MED25: variants seen among roughly 807,000 people sequenced by gnomAD.
The protein encoded by MED25 is mediator complex subunit 25.
A neutral mutation model predicts 89.4 loss-of-function variants in MED25; 62 were observed. The observed-to-expected ratio is 0.69, with a 90% CI of 0.57 to 0.86. MED25 has a LOEUF of 0.86. Among genes scored for constraint, MED25 ranks in the 40% least tolerant of loss-of-function variants. MED25 has a pLI of 0.00. For missense variants in MED25, 905 were observed against 1,005.2 expected (o/e 0.90, Z 1.35); for synonymous variants, 449 against 427.9 (o/e 1.05, Z -0.61).
intron 3 of MED25, among the ~76,000 whole-genome samples, chr19:49,823,020 C>A (rs1170321732): frequency 6.6e-6 from 1 of 152,154 alleles, no homozygotes; most frequent in Non-Finnish European, 1.5e-5. Flanking sequence ...GGGATCATAG[C>A]TTGCTGCAGC....
chr19:49,828,300 G>C, intron 3 of MED25, 149 bp from the exon 4 acceptor site: 1 of 693,058 alleles, frequency 1.4e-6, no homozygotes, highest in East Asian at 2.5e-5. Flanking sequence ...TAGCACCAGG[G>C]ATTGGGTAGG....
downstream of MED25, chr19:49,838,595 GAGA>G (rs1326260918): frequency 1.5e-5 from 7 of 457,378 alleles, no homozygotes; most frequent in Non-Finnish European, 2.6e-5. Context: ...AAACGAAAGA[GAGA>G]AGGAGAGGGC....
chr19:49,836,709 G>A lies in MED25; in HGVS notation c.2147-138G>A. The A allele has an allele frequency of 1.3e-6, 1 of 759,936 alleles. No homozygotes were observed. Among genetic ancestry groups the A allele is most frequent in the Non-Finnish European group, 2.4e-6 (1 of 424,648 alleles). 47.1% of individuals were successfully genotyped at this position (759,936 alleles called of 1,614,324 possible). A position where few individuals can be genotyped will look rare whatever the true frequency, so the allele number is the denominator to read the frequency against. On this transcript the variant is annotated intron_variant, in intron 17 of 17. Transcript: ENST00000312865. This position sits in a 1 kb window ranked among gnomAD's most constrained non-coding sequence, Gnocchi z 5.1. ...GGCCCCCAAAGGCTCATGGGAAACA[G>A]CATATTTGTAACTAGATGGGGCCAG...
chr19:49,835,124 AT>A lies in MED25; in HGVS notation c.1622del (p.Ile541ThrfsTer56), dbSNP rs760552506. On this transcript the variant is annotated frameshift_variant, in exon 14 of 18. Transcript: ENST00000312865. LOFTEE classifies it high-confidence loss of function. The surrounding 1 kb of genome is among the most constrained non-coding windows in gnomAD (Gnocchi z 6.2). Reference protein sequence around the residue: ...SGFVNGIRQVITNHKQVQQQK... With the variant: ...SGFVNGIRQVXTNHKQVQQQK... Reference sequence around the variant, plus strand: ...CTTCGTCAACGGCATCCGGCAGGTCATCACCAACCACAAGCAGGTCCAGCAG... The same window carrying A: ...CTTCGTCAACGGCATCCGGCAGGTCACACCAACCACAAGCAGGTCCAGCAG... 1 of 1,613,966 alleles carries A rather than the reference AT, an allele frequency of 6.2e-7. No individual in the cohort carries two copies. Among genetic ancestry groups the A allele is most frequent in the Non-Finnish European group, 8.5e-7 (1 of 1,180,032 alleles).
In MED25 at chr19:49,828,224, A is replaced by G. The variant is rs547364537; in HGVS notation, c.306-225A>G. Among the ~76,000 whole-genome samples, 3 of 148,190 alleles carry G rather than the reference A, an allele frequency of 2.0e-5. No homozygotes were observed. The South Asian group carries it at 6.6e-4, about 33-fold the overall frequency. ...AGCCTGGGCGACAGAGCGAGACTCC[A>G]TCTCAAAAAAAAAAAAAAACACAGA... is the stretch of plus-strand genomic sequence containing the variant. On this transcript the variant is annotated intron_variant, in intron 3 of 17. Coordinates refer to ENST00000312865, the MANE Select transcript of MED25 (RefSeq NM_030973.4).
intron 3 of MED25, among the ~76,000 whole-genome samples, chr19:49,820,771 G>A (rs139864668): frequency 1.1e-4 from 16 of 152,078 alleles, no homozygotes; most frequent in African/African-American, 3.4e-4. Flanking sequence ...TCACCACCAC[G>A]CCTGGCGCTG....
chr19:49,836,001 G>T lies in MED25; in HGVS notation c.1965+56G>T. 1.3e-6 allele frequency: 2 copies of T among 1,595,506 alleles called. No individual in the cohort carries two copies. Among genetic ancestry groups the T allele is most frequent in the Non-Finnish European group, 1.7e-6 (2 of 1,172,336 alleles). On this transcript the variant is annotated intron_variant, in intron 16 of 17. Coordinates refer to ENST00000312865, the MANE Select transcript of MED25 (RefSeq NM_030973.4). This position sits in a 1 kb window ranked among gnomAD's most constrained non-coding sequence, Gnocchi z 5.1. ...CCAGATCCTGGCCCTGGTGGTTCTGGTCCTGTTGTCTGGGAGGAGGGAGGT... is the reference window on the plus strand; with the variant it reads ...CCAGATCCTGGCCCTGGTGGTTCTGTTCCTGTTGTCTGGGAGGAGGGAGGT...
Position 49,831,760 on chromosome 19 carries a change from G to A in MED25, c.1231-176G>A, listed in dbSNP as rs890705505. On this transcript the variant is annotated intron_variant, in intron 10 of 17. Transcript: ENST00000312865. The surrounding 1 kb of genome is among the most constrained non-coding windows in gnomAD (Gnocchi z 5.0). ...ATGGTGGGATTTAGGGGCCGGGCAC[G>A]TAGCTGTAACATTTGAGGAACTGAA... Among the ~76,000 whole-genome samples the A allele has an allele frequency of 3.3e-5, 5 of 152,032 alleles. No homozygotes were observed. The highest frequency in any genetic ancestry group is 2.1e-4 in the South Asian group (1 of 4,818).
chr19:49,820,634 G>A (rs922404595), intron 3 of MED25, among the ~76,000 whole-genome samples: 4 of 152,234 alleles, frequency 2.6e-5, no homozygotes, highest in African/African-American at 9.6e-5. Context: ...GTCTCCAAGA[G>A]CACTTTAGAT....
At position 49,831,790 on chromosome 19, in the gene MED25, T is replaced by G; in HGVS notation, c.1231-146T>G. On this transcript the variant is annotated intron_variant, in intron 10 of 17. Coordinates refer to ENST00000312865, the MANE Select transcript of MED25 (RefSeq NM_030973.4). The surrounding 1 kb of genome is among the most constrained non-coding windows in gnomAD (Gnocchi z 5.0). ...TGTAACATTTGAGGAACTGAAGGCT[T>G]GCTGGTCTGGAGGAGGGGCCTGGGG... 1 of 790,794 alleles carries G rather than the reference T, an allele frequency of 1.3e-6. No individual in the cohort carries two copies. 49.0% of individuals were successfully genotyped at this position (790,794 alleles called of 1,614,324 possible). A position where few individuals can be genotyped will look rare whatever the true frequency, so the allele number is the denominator to read the frequency against.
intron 3 of MED25, among the ~76,000 whole-genome samples, chr19:49,820,214 G>A (rs1034098776): frequency 7.2e-5 from 11 of 152,160 alleles, no homozygotes; most frequent in African/African-American, 1.4e-4. Flanking sequence ...GCCGACTCAC[G>A]TCCAAAGACG....
In MED25 at chr19:49,832,430, T is replaced by TG. The variant is rs772160053; in HGVS notation, c.1482+21dup. On this transcript the variant is annotated intron_variant, in intron 13 of 17. Transcript: ENST00000312865. ...GCAACGGCTTCGTGAGTCCAGGGCA[T>TG]GGGGGGCCGAGGGGTGTTGACTCTT... is the stretch of plus-strand genomic sequence containing the variant. 1.9e-5 allele frequency: 28 copies of TG among 1,445,702 alleles called. No individual in the cohort carries two copies. The highest frequency in any genetic ancestry group is 2.4e-5 in the Non-Finnish European group (25 of 1,031,366). The allele number at this position is 1,445,702 out of a possible 1,614,324, so 89.6% of individuals were successfully genotyped here.
chr19:49,826,711 G>A (rs552688423), intron 3 of MED25, among the ~76,000 whole-genome samples: 190 of 152,320 alleles, frequency 1.2e-3, no homozygotes, highest in Non-Finnish European at 2.4e-3. Flanking sequence ...AAATTAGGTG[G>A]CATGTAGGGA....
Position 49,835,525 on chromosome 19 carries a change from C to T in MED25, c.1675-9C>T, listed in dbSNP as rs1348163610. The T allele has an allele frequency of 2.6e-6, 4 of 1,549,320 alleles. No homozygotes were observed. In the African/African-American group the frequency reaches 4.1e-5, roughly 16 times the overall value. ...TCAGTTACTGACCTGCCCCTCTCTC[C>T]CCGTGCAGATGGGGGGACAGCAGGC... On this transcript the variant is annotated splice_polypyrimidine_tract_variant and intron_variant, in intron 14 of 17. Transcript: ENST00000312865. The surrounding 1 kb of genome is among the most constrained non-coding windows in gnomAD (Gnocchi z 6.2).
chr19:49,835,848 G>C lies in MED25; in HGVS notation c.1868G>C (p.Gly623Ala), dbSNP rs1424094323. 2 of 1,612,300 alleles carry C rather than the reference G, an allele frequency of 1.2e-6. No individual in the cohort carries two copies. Among genetic ancestry groups the C allele is most frequent in the Non-Finnish European group, 1.7e-6 (2 of 1,179,754 alleles). Residue 623 changes from glycine (G) to alanine (A), a missense_variant, in exon 16 of 18, where the codon GGA (glycine) becomes GCA (alanine). By Grantham distance (60) the Gly-to-Ala change is moderately conservative (BLOSUM62 0). This residue lies in a region of MED25 where 271 missense variants were observed against 258.1 expected (regional missense o/e 1.05). Transcript: ENST00000312865. The surrounding 1 kb of genome is among the most constrained non-coding windows in gnomAD (Gnocchi z 6.2). ...CCAGGTGCCCCTCAAGGCCCTCCTG[G>C]AGCAGCTTCTGGCCCACCCCCTCCT... is the stretch of plus-strand genomic sequence containing the variant. ...PPPGAPQGPP[G>A]AASGPPPPGP...
intron 3 of MED25, among the ~76,000 whole-genome samples, chr19:49,826,416 G>T (rs1014166215): frequency 1.3e-5 from 2 of 152,164 alleles, no homozygotes; most frequent in Non-Finnish European, 2.9e-5. Flanking sequence ...GCGCCCGAGT[G>T]CCCTGAGAGC....
Position 49,818,537 on chromosome 19 carries a change from C to T in MED25, c.135-34C>T, listed in dbSNP as rs1353618604. 3.7e-6 allele frequency: 6 copies of T among 1,614,236 alleles called. No individual in the cohort carries two copies. The Admixed American group carries it at 8.3e-5, about 22-fold the overall frequency. On this transcript the variant is annotated intron_variant, in intron 1 of 17. Transcript: ENST00000312865. Reference sequence around the variant, plus strand: ...CACTTCAGTTTCGCACAGTTTCTTGCCTGACTCCGACCTTTCACTTCCTAC... The same window carrying T: ...CACTTCAGTTTCGCACAGTTTCTTGTCTGACTCCGACCTTTCACTTCCTAC...
rs369377037 is a variant in MED25, at chr19:49,818,559, C to T, written c.135-12C>T. The stretch of plus-strand genomic sequence containing the variant: ...TTGCCTGACTCCGACCTTTCACTTC[C>T]TACCCTCACAGGTATTTTAATGGTG... On this transcript the variant is annotated splice_polypyrimidine_tract_variant and intron_variant, in intron 1 of 17. Transcript: ENST00000312865. The T allele has an allele frequency of 7.4e-6, 12 of 1,614,212 alleles. No individual in the cohort carries two copies. The highest frequency in any genetic ancestry group is 1.6e-4 in the Middle Eastern group (1 of 6,062).
rs139822988 is a variant in MED25, at chr19:49,830,742, C to G, written c.956C>G (p.Pro319Arg). The change falls in exon 9 of 18, where the codon CCC becomes CGC. Residue 319 changes from proline to arginine, a missense_variant. Around this residue, in one of 3 missense-constraint regions of MED25, gnomAD observed 501 missense variants for 526.9 expected, o/e 0.95. Coordinates refer to ENST00000312865, the MANE Select transcript of MED25 (RefSeq NM_030973.4). The surrounding 1 kb of genome is among the most constrained non-coding windows in gnomAD (Gnocchi z 4.6). ...CAAGCTGCTCCCGGAGTGGGTCCCC[C>G]CTTCAGCCAGGCCCCAGCTCCCCAA... ...LQQAAPGVGP[P>R]FSQAPAPQLP... The G allele has an allele frequency of 1.9e-6, 3 of 1,613,728 alleles. No individual in the cohort carries two copies. The highest frequency in any genetic ancestry group is 1.7e-5 in the Admixed American group (1 of 60,000).
Sources: allele counts gnomAD v4.1 joint callset (sites outside exome capture counted in the v4.1 genomes callset), GRCh38; gene constraint gnomAD v4.1.1; regional missense constraint gnomAD v4.1.1; non-coding constraint Gnocchi (gnomAD v3.1); transcripts MANE v1.5; gene names NCBI Gene and HGNC (gene_info 2026-07-23, HGNC 2026-07-21).